NME8: variants seen among roughly 807,000 people sequenced by gnomAD.
NME8 encodes NME/NM23 family member 8.
NME8 carries 72 observed loss-of-function variants against 82.3 expected under a neutral mutation model. The ratio of observed to expected loss-of-function variants is 0.87; its 90% CI spans 0.72 to 1.06. The LOEUF (loss-of-function observed/expected upper bound fraction) is 1.06, where lower values mean the gene tolerates loss of function less well. Among genes scored for constraint, NME8 ranks in the 50% least tolerant of loss-of-function variants. The pLI is 0.00. For synonymous variants in NME8, 267 were observed against 228.5 expected, an observed-to-expected ratio of 1.17 and a Z score of -1.52; for missense variants, 712 against 685.4, an observed-to-expected ratio of 1.04 and a Z score of -0.43.
intron 16 of NME8, among the ~76,000 whole-genome samples, chr7:37,896,100 C>G (rs1220236777): frequency 1.3e-5 from 2 of 152,124 alleles, no homozygotes; most frequent in African/African-American, 2.4e-5. Flanking sequence ...CATGTCTTCT[C>G]TTTTTTCAGT....
intron 11 of NME8, among the ~76,000 whole-genome samples, chr7:37,873,329 C>T (rs1388069254): frequency 2.1e-5 from 3 of 143,764 alleles, no homozygotes; most frequent in Non-Finnish European, 4.5e-5. Context: ...CACTGCACTC[C>T]AGCCTGGGCG....
intron 11 of NME8, among the ~76,000 whole-genome samples, chr7:37,871,201 G>A (rs915330937): frequency 6.6e-6 from 1 of 152,050 alleles, no homozygotes; most frequent in African/African-American, 2.4e-5. Flanking sequence ...TATTCCTGTG[G>A]AGACAAACAC....
chr7:37,859,693 C>A (rs80185972), intron 6 of NME8, among the ~76,000 whole-genome samples: 11 of 152,156 alleles, frequency 7.2e-5, no homozygotes, highest in Non-Finnish European at 1.6e-4. Context: ...AAGTCTTTGG[C>A]GTGTGGTTTA....
chr7:37,865,424 T>C (rs902614501), intron 9 of NME8, 101 bp from the exon 10 acceptor site: 6 of 775,908 alleles, frequency 7.7e-6, no homozygotes, highest in Non-Finnish European at 1.4e-5. Flanking sequence ...TTATAGAAAA[T>C]GTATTGAAAG....
At chr7:37,895,638 C>T (rs1785215369) in intron 16 of NME8, among the ~76,000 whole-genome samples, 2 of 152,108 alleles carry the variant, frequency 1.3e-5, no homozygotes, top group South Asian at 2.1e-4. Context: ...ATTTTCTATA[C>T]AGTCATGCTT....
In NME8 at chr7:37,863,097, G is replaced by A. The variant is rs1337547933; in HGVS notation, c.388-299G>A. Among the ~76,000 whole-genome samples the A allele has an allele frequency of 2.6e-5, 4 of 152,128 alleles. No individual in the cohort carries two copies. In the East Asian group the frequency reaches 5.8e-4, roughly 22 times the overall value. On this transcript the variant is annotated intron_variant, in intron 7 of 17. Transcript: ENST00000199447. The stretch of plus-strand genomic sequence containing the variant: ...ATAGCACCACTGCACTCCAGCCTGG[G>A]TGACAGAGCAAGACTCCTACTCAAA...
chr7:37,868,465 A>G (rs1784724483), intron 11 of NME8, among the ~76,000 whole-genome samples: 2 of 152,148 alleles, frequency 1.3e-5, no homozygotes, highest in South Asian at 4.1e-4. Flanking sequence ...GCCAGCTTTA[A>G]ATAATAGGGA....
chr7:37,876,400 A>G (rs1241789072), intron 11 of NME8, among the ~76,000 whole-genome samples: 1 of 148,330 alleles, frequency 6.7e-6, no homozygotes, highest in Non-Finnish European at 1.5e-5. Context: ...TTATAATCCA[A>G]TAAAATTGGA....
intron 16 of NME8, among the ~76,000 whole-genome samples, chr7:37,896,553 G>A (rs972082637): frequency 6.6e-6 from 1 of 152,192 alleles, no homozygotes; most frequent in African/African-American, 2.4e-5. Flanking sequence ...TCCCTGAAGC[G>A]GTTAGAGGCT....
intron 12 of NME8, among the ~76,000 whole-genome samples, chr7:37,877,719 G>C (rs1213074113): frequency 1.3e-5 from 2 of 152,160 alleles, no homozygotes; most frequent in Non-Finnish European, 2.9e-5. Flanking sequence ...GTGGAGGATT[G>C]ACTGTGTTAT....
chr7:37,868,429 CT>C (rs34146075), intron 11 of NME8, among the ~76,000 whole-genome samples: 116,817 of 151,786 alleles, frequency 0.77, 45,322 homozygotes, highest in African/African-American at 0.88. Flanking sequence ...TTACTTATAA[CT>C]TTTTTTTTAA....
At chr7:37,860,540 A>G (rs1051059672) in intron 6 of NME8, among the ~76,000 whole-genome samples, 1 of 152,150 alleles carries the variant, frequency 6.6e-6, no homozygotes, top group Admixed American at 6.5e-5. Flanking sequence ...CCTGGATGCC[A>G]CTTCCCTCTG....
At position 37,884,429 on chromosome 7, in the gene NME8, T is replaced by G. The variant is rs370638956; in HGVS notation, c.1121T>G (p.Leu374Arg). 1 of 1,611,624 alleles carries G rather than the reference T, an allele frequency of 6.2e-7. No homozygotes were observed. The highest frequency in any genetic ancestry group is 2.2e-5 in the East Asian group (1 of 44,790). Residue 374 changes from leucine to arginine, a missense_variant, in exon 13 of 18, where the codon CTT becomes CGT. Coordinates refer to ENST00000199447, the MANE Select transcript of NME8 (RefSeq NM_016616.5). Reference sequence around the variant, plus strand: ...GAAAATGAAGACTATTTTAATAAACTTATAGAAAACATGACCAGGTAGAAT... The same window carrying G: ...GAAAATGAAGACTATTTTAATAAACGTATAGAAAACATGACCAGGTAGAAT... ...EYENEDYFNK[L>R]IENMTSGPSL...
chr7:37,886,982 C>T (rs1311813972), intron 14 of NME8, among the ~76,000 whole-genome samples: 1 of 152,028 alleles, frequency 6.6e-6, no homozygotes, highest in Non-Finnish European at 1.5e-5. Flanking sequence ...GGAGAATCCA[C>T]ATCAGTGTTA....
intron 15 of NME8, among the ~76,000 whole-genome samples, chr7:37,892,838 G>A (rs7797123): frequency 1.3e-5 from 2 of 151,870 alleles, no homozygotes; most frequent in African/African-American, 2.4e-5. Flanking sequence ...ATTCACATTA[G>A]GGTGTCGTGT....
At chr7:37,896,204 G>A (rs939936532) in intron 16 of NME8, among the ~76,000 whole-genome samples, 1 of 152,160 alleles carries the variant, frequency 6.6e-6, no homozygotes, top group Admixed American at 6.6e-5. Context: ...TAAATAATAA[G>A]CAGAAGCCTA....
At position 37,894,527 on chromosome 7, in the gene NME8, C is replaced by T. The variant is rs1785187495; in HGVS notation, c.1461C>T (p.Phe487=). ...GFDLTQVKKM[F]LTPEQIEKIY... ...ATCTGACACAGGTGAAGAAAATGTT[C>T]CTAACTCCTGAGCAAATAGAGAAAA... is the stretch of plus-strand genomic sequence containing the variant. The change falls in exon 16 of 18, where the codon TTC becomes TTT. Residue 487 remains phenylalanine (F), a synonymous_variant. Coordinates refer to ENST00000199447, the MANE Select transcript of NME8 (RefSeq NM_016616.5). The T allele has an allele frequency of 1.2e-6, 2 of 1,612,498 alleles. No homozygotes were observed. Among genetic ancestry groups the T allele is most frequent in the Non-Finnish European group, 1.7e-6 (2 of 1,179,012 alleles).
intron 6 of NME8, among the ~76,000 whole-genome samples, chr7:37,859,444 G>A (rs562127457): frequency 3.9e-5 from 6 of 152,186 alleles, no homozygotes; most frequent in East Asian, 1.9e-4. Flanking sequence ...CTTTTGTCTC[G>A]CTTCCTTGGC....
At chr7:37,856,956 G>A (rs1432832853) in intron 5 of NME8, among the ~76,000 whole-genome samples, 1 of 152,168 alleles carries the variant, frequency 6.6e-6, no homozygotes, top group Non-Finnish European at 1.5e-5. Context: ...ACAGCAAAAG[G>A]AAGTGAGACA....
Sources: allele counts gnomAD v4.1 joint callset (sites outside exome capture counted in the v4.1 genomes callset), GRCh38; gene constraint gnomAD v4.1.1; transcripts MANE v1.5; gene names NCBI Gene and HGNC (gene_info 2026-07-23, HGNC 2026-07-21).